The following TREML4 variants were observed in gnomAD, a reference collection of about 807,000 sequenced individuals.
TREML4 encodes trem-like transcript 4 protein.
Under a neutral mutation model 25.4 loss-of-function variants are expected in TREML4, and 25 were observed. The observed-to-expected ratio is 0.98, with a 90% CI of 0.72 to 1.37. The LOEUF (loss-of-function observed/expected upper bound fraction) is 1.37. Ranked by LOEUF, TREML4 falls within the 40% of genes most tolerant of loss-of-function variation. TREML4 has a pLI of 0.00. For synonymous variants in TREML4, 92 were observed against 87.9 expected (o/e 1.05, Z -0.26); for missense variants, 268 against 236.5 (o/e 1.13, Z -0.87).
chr6:41,230,583 A>G (rs1766778014), intron 4 of TREML4, among the ~76,000 whole-genome samples: 1 of 152,176 alleles, frequency 6.6e-6, no homozygotes, highest in South Asian at 2.1e-4. Context: ...ATAGGCTGCA[A>G]TAGACTAGGT....
Position 41,238,261 on chromosome 6 carries a change from C to G in TREML4, c.*1242C>G, listed in dbSNP as rs1327198001. 1 of 152,230 alleles carries G rather than the reference C, an allele frequency of 6.6e-6. No homozygotes were observed. The highest frequency in any genetic ancestry group is 6.5e-5 in the Admixed American group (1 of 15,286). The allele number at this position is 152,230 out of a possible 1,614,324, so 9.4% of individuals were successfully genotyped here. On this transcript the variant is annotated 3_prime_UTR_variant, in exon 6 of 6. Transcript: ENST00000341495. ...TCCCTATGTCCACTTGCCTTCCTCT[C>G]CGAGGCAACTACTCTAATGCATTTG...
chr6:41,233,133 A>C (rs1766833215), intron 4 of TREML4, among the ~76,000 whole-genome samples: 1 of 152,248 alleles, frequency 6.6e-6, no homozygotes, highest in Non-Finnish European at 1.5e-5. Context: ...AGTCAAGAGA[A>C]TGTATACCCT....
At chr6:41,234,915 T>C (rs1012465165) in intron 4 of TREML4, among the ~76,000 whole-genome samples, 2 of 151,628 alleles carry the variant, frequency 1.3e-5, no homozygotes, top group Non-Finnish European at 2.9e-5. Context: ...TTAAAGGAGA[T>C]ACAAAAAAAT....
intron 4 of TREML4, among the ~76,000 whole-genome samples, chr6:41,231,916 A>G (rs1231646943): frequency 6.6e-6 from 1 of 152,230 alleles, no homozygotes; most frequent in Non-Finnish European, 1.5e-5. Flanking sequence ...CAAATTGAAA[A>G]GATTCATACA....
intron 4 of TREML4, 58 bp downstream of exon 4, chr6:41,230,180 C>T (rs1271724262): frequency 2.8e-6 from 4 of 1,407,114 alleles, no homozygotes; most frequent in East Asian, 4.6e-5. Context: ...GCCTGATTAG[C>T]TCCTGAACCT....
chr6:41,234,417 C>T lies in TREML4; in HGVS notation c.507-2069C>T, dbSNP rs561377536. 6.0e-5 allele frequency among the ~76,000 whole-genome samples: 9 copies of T among 151,050 alleles called. No homozygotes were observed. In the East Asian group the frequency reaches 1.7e-3, roughly 29 times the overall value. ...TGGAACACGAGCATCAGAGCAAACC[C>T]AAAGAATCATATAATTGAATGATTG... On this transcript the variant is annotated intron_variant, in intron 4 of 5. Coordinates refer to ENST00000341495, the MANE Select transcript of TREML4 (RefSeq NM_198153.3).
intron 2 of TREML4, 67 bp downstream of exon 2, chr6:41,229,111 C>T: frequency 7.3e-7 from 1 of 1,378,336 alleles, no homozygotes; most frequent in Non-Finnish European, 1.0e-6. Flanking sequence ...ATGTCATGCA[C>T]CCCCTCCCAT....
rs752565349 is a variant in TREML4 at position 41,228,421 on chromosome 6, G to A, written c.-7G>A. The A allele has an allele frequency of 4.4e-6, 7 of 1,608,248 alleles. No homozygotes were observed. Among genetic ancestry groups the A allele is most frequent in the Non-Finnish European group, 5.1e-6 (6 of 1,177,508 alleles). ...TCCTCCGCTGTCAGAAACAGATCTG[G>A]GCTGGAATGGCCTGGGGTGGGGTCC... On this transcript the variant is annotated 5_prime_UTR_variant, in exon 1 of 6. Coordinates refer to ENST00000341495, the MANE Select transcript of TREML4 (RefSeq NM_198153.3).
chr6:41,236,420 G>A lies in TREML4; in HGVS notation c.507-66G>A, dbSNP rs1432205004. ...AGCTACAAGGGGCCTGCCTGGCTTA[G>A]GGACACCGCAGGAGGTGGTGACATC... is the stretch of plus-strand genomic sequence containing the variant. On this transcript the variant is annotated intron_variant, in intron 4 of 5. Transcript: ENST00000341495. 6.3e-6 allele frequency: 9 copies of A among 1,420,556 alleles called. No individual in the cohort carries two copies. In the Admixed American group the frequency reaches 1.2e-4, roughly 19 times the overall value. 88.0% of individuals were successfully genotyped at this position (1,420,556 alleles called of 1,614,324 possible).
chr6:41,236,394 C>A (rs1436189190), intron 4 of TREML4, 92 bp from the exon 5 acceptor site: 22 of 1,091,256 alleles, frequency 2.0e-5, no homozygotes, highest in African/African-American at 3.1e-5. Flanking sequence ...CAAACAGCTC[C>A]AGCTACAAGG....
Position 41,228,363 on chromosome 6 carries a change from A to T in TREML4, c.-65A>T. Reference sequence around the variant, plus strand: ...GGGGCAGAATCAGACCCAGCGTCTGACTCCTCCTGAGAGGGCTCCCTTTTT... The same window carrying T: ...GGGGCAGAATCAGACCCAGCGTCTGTCTCCTCCTGAGAGGGCTCCCTTTTT... On this transcript the variant is annotated 5_prime_UTR_variant, in exon 1 of 6. Transcript: ENST00000341495. 4.7e-6 allele frequency: 5 copies of T among 1,073,534 alleles called. No individual in the cohort carries two copies. Among genetic ancestry groups the T allele is most frequent in the Non-Finnish European group, 5.1e-6 (4 of 787,800 alleles). 66.5% of individuals were successfully genotyped at this position (1,073,534 alleles called of 1,614,324 possible).
At position 41,230,054 on chromosome 6, in the gene TREML4, C is replaced by G; in HGVS notation, c.446-8C>G. On this transcript the variant is annotated splice_polypyrimidine_tract_variant and splice_region_variant and intron_variant, in intron 3 of 5. Coordinates refer to ENST00000341495, the MANE Select transcript of TREML4 (RefSeq NM_198153.3). ...GGGCAGCCACTGTCTTCTTTGTGTC[C>G]TCTTTAGTTCTGATCACTTCTCCAG... is the stretch of plus-strand genomic sequence containing the variant. The G allele has an allele frequency of 6.2e-7, 1 of 1,608,898 alleles. No individual in the cohort carries two copies. Among genetic ancestry groups the G allele is most frequent in the South Asian group, 1.1e-5 (1 of 90,932 alleles).
At position 41,228,841 on chromosome 6, in the gene TREML4, C is replaced by T. The variant is rs1380567737; in HGVS notation, c.191C>T (p.Thr64Ile). 1 of 1,614,006 alleles carries T rather than the reference C, an allele frequency of 6.2e-7. No individual in the cohort carries two copies. Among genetic ancestry groups the T allele is most frequent in the Non-Finnish European group, 8.5e-7 (1 of 1,180,008 alleles). ...WCQQTSPSRC[T>I]LLVTSSKPWT... ...CAGCAGACATCTCCAAGTCGGTGTA[C>T]CTTACTTGTCACCAGCTCCAAGCCC... Residue 64 changes from threonine (T) to isoleucine (I), a missense_variant, in exon 2 of 6, where the codon ACC becomes ATC. Coordinates refer to ENST00000341495, the MANE Select transcript of TREML4 (RefSeq NM_198153.3).
chr6:41,230,202 C>T, intron 4 of TREML4, 80 bp downstream of exon 4: 5 of 1,140,846 alleles, frequency 4.4e-6, no homozygotes, highest in East Asian at 2.4e-5. Context: ...GGAATCAAGT[C>T]CAGGGCACCC....
intron 4 of TREML4, chr6:41,231,021 G>T: frequency 3.0e-6 from 1 of 337,974 alleles, no homozygotes; most frequent in South Asian, 2.4e-5. Context: ...TAGGTTGCAC[G>T]CTCCTTATGA....
chr6:41,234,597 A>C (rs1766864845), intron 4 of TREML4, among the ~76,000 whole-genome samples: 1 of 151,964 alleles, frequency 6.6e-6, no homozygotes, highest in Non-Finnish European at 1.5e-5. Context: ...AAAATAAATA[A>C]ATCCTGAATA....
chr6:41,229,124 C>T (rs1766737546), intron 2 of TREML4, 80 bp downstream of exon 2: 3 of 1,259,282 alleles, frequency 2.4e-6, no homozygotes, highest in East Asian at 4.7e-5. Context: ...CCTCCCATGC[C>T]TCTATCATCC....
In TREML4 at chr6:41,238,047, G is replaced by C. The variant is rs1207532206; in HGVS notation, c.*1028G>C. On this transcript the variant is annotated 3_prime_UTR_variant, in exon 6 of 6. Transcript: ENST00000341495. ...CATGAGCAACAGATTTGAGGTACCA[G>C]TGCATAGCAGCTGAATGCCAGCCCT... The C allele has an allele frequency of 6.6e-6, 1 of 152,212 alleles. No individual in the cohort carries two copies. The highest frequency in any genetic ancestry group is 1.5e-5 in the Non-Finnish European group (1 of 68,068). 9.4% of individuals were successfully genotyped at this position (152,212 alleles called of 1,614,324 possible).
chr6:41,235,621 G>A (rs1296033038), intron 4 of TREML4, among the ~76,000 whole-genome samples: 1 of 152,150 alleles, frequency 6.6e-6, no homozygotes, highest in Non-Finnish European at 1.5e-5. Context: ...GACCTGTTTG[G>A]AGAAAAGTAT....
Sources: allele counts gnomAD v4.1 joint callset (sites outside exome capture counted in the v4.1 genomes callset), GRCh38; gene constraint gnomAD v4.1.1; transcripts MANE v1.5; gene names NCBI Gene and HGNC (gene_info 2026-07-23, HGNC 2026-07-21).